Variants in DNM3 observed in about 807,000 individuals in gnomAD.
The protein encoded by DNM3 is dynamin 3.
DNM3 carries 47 observed loss-of-function variants against 101.6 expected under a neutral mutation model. The observed-to-expected ratio is 0.46, with a 90% confidence interval of 0.37 to 0.59. DNM3 has a LOEUF of 0.59. Among genes scored for constraint, DNM3 ranks in the 20% least tolerant of loss-of-function variants. The pLI, the probability that DNM3 is intolerant of heterozygous loss-of-function variation, is 0.00. For synonymous variants in DNM3, 385 were observed against 387.9 expected (o/e 0.99, Z 0.09); for missense variants, 849 against 1,085.7 (o/e 0.78, Z 3.06).
chr1:172,186,382 GT>G (rs202132172), intron 14 of DNM3, among the ~76,000 whole-genome samples: 24 of 147,486 alleles, frequency 1.6e-4, no homozygotes, highest in South Asian at 1.3e-3. Context: ...GTCAGTTGCT[GT>G]TTTTTTTTTT....
chr1:172,244,605 T>A lies in DNM3; in HGVS notation c.1660-8968T>A, dbSNP rs547253580. ...TGCAGCCAAAAAACACATGAAAAAA[T>A]GTTCATCATCACTGGCCATCAGAGA... On this transcript the variant is annotated intron_variant, in intron 14 of 20. Transcript: ENST00000627582. Among the ~76,000 whole-genome samples the A allele has an allele frequency of 2.3e-3, 350 of 151,992 alleles. 1 individual carries two copies. Among genetic ancestry groups the A allele is most frequent in the African/African-American group, 8.0e-3 (332 of 41,434 alleles).
chr1:172,011,500 A>AT (rs1368828871), intron 4 of DNM3, among the ~76,000 whole-genome samples: 1 of 151,864 alleles, frequency 6.6e-6, no homozygotes, highest in Non-Finnish European at 1.5e-5. Flanking sequence ...ATCTCCTTGG[A>AT]TTTTTCCTCC....
chr1:172,345,949 T>G lies in DNM3; in HGVS notation c.1893+22609T>G, dbSNP rs752144643. Among the ~76,000 whole-genome samples the G allele has an allele frequency of 4.6e-5, 7 of 151,770 alleles. 1 individual carries two copies. Among genetic ancestry groups the G allele is most frequent in the Non-Finnish European group, 1.0e-4 (7 of 67,874 alleles). Reference sequence around the variant, plus strand: ...TCCTGGCTAACGCAGTGAAACCCAGTCTCTACTAAAAATACAAAAAAATTA... The same window carrying G: ...TCCTGGCTAACGCAGTGAAACCCAGGCTCTACTAAAAATACAAAAAAATTA... On this transcript the variant is annotated intron_variant, in intron 17 of 20. Coordinates refer to ENST00000627582, the MANE Select transcript of DNM3 (RefSeq NM_015569.5).
At chr1:172,082,401 G>A (rs572926480) in intron 12 of DNM3, among the ~76,000 whole-genome samples, 1 of 150,812 alleles carries the variant, frequency 6.6e-6, no homozygotes, top group East Asian at 1.9e-4. Context: ...TGTAAAGTGT[G>A]TATACAAATA....
chr1:172,210,798 A>G (rs2060487897), intron 14 of DNM3, among the ~76,000 whole-genome samples: 1 of 152,154 alleles, frequency 6.6e-6, no homozygotes, highest in Non-Finnish European at 1.5e-5. Context: ...CGAGGCTTCA[A>G]CATACATCAG....
rs1490027840 is a variant in DNM3, at chr1:172,081,813, G to A, written c.1423-19G>A. ...TTTTTAGATGGGTTTTCACTGAAGT[G>A]TTTCTCTTTGACTTATAGGTATTGC... On this transcript the variant is annotated intron_variant, in intron 11 of 20. Coordinates refer to ENST00000627582, the MANE Select transcript of DNM3 (RefSeq NM_015569.5). 6.2e-7 allele frequency: 1 copy of A among 1,601,526 alleles called. No individual in the cohort carries two copies. The highest frequency in any genetic ancestry group is 1.1e-5 in the South Asian group (1 of 88,494).
intron 14 of DNM3, chr1:172,138,755 TA>T: frequency 5.7e-6 from 2 of 352,866 alleles, no homozygotes; most frequent in South Asian, 2.3e-5. Flanking sequence ...GTGTAGATGC[TA>T]TGGTGTGAGG....
chr1:172,017,587 GT>G (rs1196029930), intron 4 of DNM3, among the ~76,000 whole-genome samples: 1 of 152,078 alleles, frequency 6.6e-6, no homozygotes, highest in Non-Finnish European at 1.5e-5. Flanking sequence ...TTTTAAATTT[GT>G]TAGGGTGTGT....
chr1:171,979,332 G>A (rs2044611234), intron 2 of DNM3, among the ~76,000 whole-genome samples: 1 of 152,134 alleles, frequency 6.6e-6, no homozygotes, highest in Admixed American at 6.5e-5. Flanking sequence ...TGGGTACATA[G>A]TAGGTAGATA....
At chr1:172,199,847 C>G (rs1235436020) in intron 14 of DNM3, among the ~76,000 whole-genome samples, 1 of 152,002 alleles carries the variant, frequency 6.6e-6, no homozygotes, top group East Asian at 1.9e-4. Context: ...TTAGTTCTTG[C>G]TTTTTTATCC....
chr1:172,245,240 C>A (rs1049181726), intron 14 of DNM3, among the ~76,000 whole-genome samples: 1 of 152,010 alleles, frequency 6.6e-6, no homozygotes, highest in Non-Finnish European at 1.5e-5. Context: ...TGATTAACAA[C>A]GATAATAAAT....
At position 172,033,369 on chromosome 1, in the gene DNM3, A is replaced by T. The variant is rs2048750481; in HGVS notation, c.849+104A>T. 7 of 1,246,328 alleles carry T rather than the reference A, an allele frequency of 5.6e-6. No individual in the cohort carries two copies. The South Asian group carries it at 1.2e-4, about 21-fold the overall frequency. 77.2% of individuals were successfully genotyped at this position (1,246,328 alleles called of 1,614,324 possible). ...AGTTTATTTTTTTTTCCAAAACAAG[A>T]CATGCAGCTTCAATGATAGGGATTT... On this transcript the variant is annotated intron_variant, in intron 6 of 20. Coordinates refer to ENST00000627582, the MANE Select transcript of DNM3 (RefSeq NM_015569.5).
intron 14 of DNM3, among the ~76,000 whole-genome samples, chr1:172,226,207 C>T (rs10797881): frequency 0.17 from 25,894 of 152,006 alleles, 2,520 homozygotes; most frequent in East Asian, 0.27. Flanking sequence ...TTATTGTAAA[C>T]AAAACCTTTA....
At chr1:172,198,177 G>T (rs969791662) in intron 14 of DNM3, among the ~76,000 whole-genome samples, 1 of 152,014 alleles carries the variant, frequency 6.6e-6, no homozygotes, top group African/African-American at 2.4e-5. Context: ...TGTGGTTTTT[G>T]TCTAGTTTTG....
At chr1:172,331,672 T>C (rs2066191452) in intron 17 of DNM3, among the ~76,000 whole-genome samples, 1 of 152,134 alleles carries the variant, frequency 6.6e-6, no homozygotes, top group African/African-American at 2.4e-5. Context: ...ACAAACAGAT[T>C]AAGGCTGATG....
intron 2 of DNM3, among the ~76,000 whole-genome samples, chr1:171,923,147 A>C (rs576476316): frequency 1.1e-4 from 17 of 152,248 alleles, no homozygotes; most frequent in African/African-American, 3.6e-4. Flanking sequence ...CAGCTGCCCC[A>C]TTTTACATTC....
intron 13 of DNM3, among the ~76,000 whole-genome samples, chr1:172,119,923 C>A (rs1326561763): frequency 1.3e-5 from 2 of 152,176 alleles, no homozygotes; most frequent in East Asian, 3.8e-4. Flanking sequence ...TTCTTCAAAT[C>A]TGTCCACTTC....
chr1:172,060,407 G>T (rs2051077123), intron 10 of DNM3, among the ~76,000 whole-genome samples: 1 of 76,062 alleles, frequency 1.3e-5, no homozygotes, highest in Non-Finnish European at 2.4e-5. Flanking sequence ...TAAGCCAAAA[G>T]AACAAAGCTG....
rs1264670617 is a variant in DNM3 at position 172,408,295 on chromosome 1, C to T, written c.*454C>T. 4.0e-6 allele frequency: 4 copies of T among 987,758 alleles called. No homozygotes were observed. Among genetic ancestry groups the T allele is most frequent in the Non-Finnish European group, 4.8e-6 (4 of 831,446 alleles). 61.2% of individuals were successfully genotyped at this position (987,758 alleles called of 1,614,324 possible). A position where few individuals can be genotyped will look rare whatever the true frequency, so the allele number is the denominator to read the frequency against. On this transcript the variant is annotated 3_prime_UTR_variant, in exon 21 of 21. Coordinates refer to ENST00000627582, the MANE Select transcript of DNM3 (RefSeq NM_015569.5). Reference sequence around the variant, plus strand: ...TGTTGTCTACCATTAATGCTACTACCTACTCCATAATTGCCTATTTAGCTC... The same window carrying T: ...TGTTGTCTACCATTAATGCTACTACTTACTCCATAATTGCCTATTTAGCTC...
Sources: gnomAD v4.1 joint callset for allele counts (sites outside exome capture counted in the v4.1 genomes callset) on GRCh38, gnomAD v4.1.1 for gene constraint, MANE v1.5 for transcripts, NCBI Gene and HGNC (gene_info 2026-07-23, HGNC 2026-07-21) for gene names.